ZNF469: variants seen among roughly 807,000 people sequenced by gnomAD.
The protein encoded by ZNF469 is zinc finger protein 469.
A neutral mutation model predicts 1.0 loss-of-function variants in ZNF469; 1 was observed. The ratio of observed to expected loss-of-function variants is 1.00; its 90% CI spans 0.35 to 4.73. ZNF469 has a LOEUF of 4.73. Among genes scored for constraint, ZNF469 ranks in the 30% most tolerant of loss-of-function variants. The pLI, the probability that ZNF469 is intolerant of heterozygous loss-of-function variation, is 0.16. For synonymous variants in ZNF469, 2,703 were observed against 2,363.4 expected, an observed-to-expected ratio of 1.14 and a Z score of -4.17; for missense variants, 6,100 against 5,356.3, an observed-to-expected ratio of 1.14 and a Z score of -4.33.
chr16:88,146,693 C>T, the ZNF469 span, among the ~76,000 whole-genome samples: 2 of 152,066 alleles, frequency 1.3e-5, no homozygotes, highest in Non-Finnish European at 2.9e-5. Context: ...TACACCTCTC[C>T]CTGGCCCTCC....
chr16:88,438,381 T>C lies in ZNF469; in HGVS notation c.10911T>C (p.His3637=). The change falls in exon 3 of 3, where the codon CAT becomes CAC. Residue 3637 remains histidine (H), a synonymous_variant. Transcript: ENST00000565624. ...CCCGTGGCAGGTGTGCCCCTGACCA[T>C]TTCCAGGAAGACCACCTACTTCAGA... The part of the protein sequence containing the change: ...PGARGRCAPD[H]FQEDHLLQKE... The C allele has an allele frequency of 6.5e-7, 1 of 1,550,088 alleles. No individual in the cohort carries two copies. Among genetic ancestry groups the C allele is most frequent in the East Asian group, 2.4e-5 (1 of 40,884 alleles).
chr16:88,283,054 G>C, the ZNF469 span, among the ~76,000 whole-genome samples: 48 of 152,318 alleles, frequency 3.2e-4, no homozygotes, highest in African/African-American at 1.0e-3. Flanking sequence ...CCAGGAGAAA[G>C]TCACTTTCCC....
chr16:88,413,607 G>A (rs1905232421), intron 1 of ZNF469, among the ~76,000 whole-genome samples: 1 of 152,260 alleles, frequency 6.6e-6, no homozygotes, highest in African/African-American at 2.4e-5. Flanking sequence ...AGGGTGTCCT[G>A]CAGAGCTGGG....
At chr16:88,354,937 AG>A in the ZNF469 span, among the ~76,000 whole-genome samples, 1 of 152,190 alleles carries the variant, frequency 6.6e-6, no homozygotes, top group Non-Finnish European at 1.5e-5. Context: ...CAGTGGGGGC[AG>A]GGGGCTGAGA....
the ZNF469 span, among the ~76,000 whole-genome samples, chr16:88,140,622 A>G: frequency 6.6e-6 from 1 of 152,220 alleles, no homozygotes; most frequent in African/African-American, 2.4e-5. Flanking sequence ...ATTTCAGTAT[A>G]GAAACAGGTA....
the ZNF469 span, among the ~76,000 whole-genome samples, chr16:88,283,586 T>C: frequency 2.8e-4 from 43 of 152,174 alleles, no homozygotes; most frequent in African/African-American, 9.4e-4. Context: ...TGGGAAAAAA[T>C]TCTAGGTGGT....
At chr16:88,140,471 G>GGAGCCATGTA in the ZNF469 span, among the ~76,000 whole-genome samples, 2 of 151,976 alleles carry the variant, frequency 1.3e-5, no homozygotes, top group African/African-American at 4.8e-5. Context: ...GGGGTAGCAC[G>GGAGCCATGTA]GAAAGTCAGT....
At chr16:88,121,549 G>T in the ZNF469 span, among the ~76,000 whole-genome samples, 1 of 152,212 alleles carries the variant, frequency 6.6e-6, no homozygotes, top group Non-Finnish European at 1.5e-5. Context: ...TGGCTGTCAC[G>T]TCACAACCCC....
Position 88,436,069 on chromosome 16 carries a change from G to C in ZNF469, c.8599G>C (p.Gly2867Arg). ...VSFSQLFPPG[G>R]RLTRKRNPHV... is the part of the protein sequence containing the mutation. ...TTTCTCCCAGCTCTTCCCTCCAGGC[G>C]GTCGCTTGACTAGAAAGAGGAACCC... Residue 2867 changes from glycine (G) to arginine (R), a missense_variant, in exon 3 of 3, where the codon GGT becomes CGT. By Grantham distance (125) the Gly-to-Arg change is moderately radical. Transcript: ENST00000565624. 1.3e-6 allele frequency: 2 copies of C among 1,550,110 alleles called. No individual in the cohort carries two copies. The highest frequency in any genetic ancestry group is 1.7e-6 in the Non-Finnish European group (2 of 1,146,986).
At chr16:88,245,339 G>A in the ZNF469 span, among the ~76,000 whole-genome samples, 3 of 152,244 alleles carry the variant, frequency 2.0e-5, no homozygotes, top group African/African-American at 7.2e-5. Context: ...GAGCAGAGCT[G>A]TTTCTCATGG....
chr16:88,169,016 GGGA>G, the ZNF469 span, among the ~76,000 whole-genome samples: 246 of 152,272 alleles, frequency 1.6e-3, 2 homozygotes, highest in African/African-American at 5.8e-3. This position sits in a 1 kb window ranked among gnomAD's most constrained non-coding sequence, Gnocchi z 6.1. Flanking sequence ...GAAGGATGTG[GGGA>G]GGAGGACAGG....
chr16:88,439,503 G>T lies in ZNF469; in HGVS notation c.*171G>T, dbSNP rs1286100776. 8 of 746,278 alleles carry T rather than the reference G, an allele frequency of 1.1e-5. No individual in the cohort carries two copies. In the East Asian group the frequency reaches 1.9e-4, roughly 18 times the overall value. 46.2% of individuals were successfully genotyped at this position (746,278 alleles called of 1,614,324 possible). A position where few individuals can be genotyped will look rare whatever the true frequency, so the allele number is the denominator to read the frequency against. On this transcript the variant is annotated 3_prime_UTR_variant, in exon 3 of 3. Coordinates refer to ENST00000565624, the MANE Select transcript of ZNF469 (RefSeq NM_001367624.2). ...TGGTGATGCTTTGAACAGGGCCCAG[G>T]TGGGCAGCATTCCCTTTCTTGCTGG...
At chr16:88,273,635 G>T in the ZNF469 span, among the ~76,000 whole-genome samples, 784 of 152,290 alleles carry the variant, frequency 5.1e-3, 6 homozygotes, top group African/African-American at 0.018. Context: ...TTATGATTCA[G>T]CCACTTTTGT....
At chr16:88,385,502 G>C (rs2092534928) in intron 1 of ZNF469, among the ~76,000 whole-genome samples, 1 of 152,058 alleles carries the variant, frequency 6.6e-6, no homozygotes, top group African/African-American at 2.4e-5. Flanking sequence ...AGTTAGCCAG[G>C]CATGGTAGTG....
the ZNF469 span, among the ~76,000 whole-genome samples, chr16:88,140,777 A>G: frequency 6.4e-4 from 97 of 152,280 alleles, no homozygotes; most frequent in African/African-American, 2.0e-3. Context: ...ACTAAAAAAT[A>G]CAAAAGTTAG....
At chr16:88,107,802 C>T in the ZNF469 span, among the ~76,000 whole-genome samples, 1 of 152,250 alleles carries the variant, frequency 6.6e-6, no homozygotes, top group Non-Finnish European at 1.5e-5. Flanking sequence ...GCAGGAAGGA[C>T]CCTCAGGAGA....
intron 1 of ZNF469, among the ~76,000 whole-genome samples, chr16:88,409,842 G>A (rs111473391): frequency 1.3e-4 from 18 of 140,424 alleles, no homozygotes; most frequent in Middle Eastern, 3.5e-3. Context: ...GCCTGAGTGC[G>A]ACAGGTGTGG....
the ZNF469 span, among the ~76,000 whole-genome samples, chr16:88,135,765 T>G: frequency 1.7e-4 from 24 of 139,898 alleles, no homozygotes; most frequent in African/African-American, 5.9e-4. Flanking sequence ...TTTTTTTTTT[T>G]TTTTTTTTTT....
intron 1 of ZNF469, among the ~76,000 whole-genome samples, chr16:88,397,764 T>G (rs903309852): frequency 1.1e-4 from 16 of 152,118 alleles, no homozygotes; most frequent in African/African-American, 3.6e-4. Flanking sequence ...TTATGGTCAT[T>G]CGAACGAAGG....
Sources: gnomAD v4.1 joint callset for allele counts (sites outside exome capture counted in the v4.1 genomes callset) on GRCh38, gnomAD v4.1.1 for gene constraint, Gnocchi (gnomAD v3.1) non-coding constraint, MANE v1.5 for transcripts, NCBI Gene and HGNC (gene_info 2026-07-23, HGNC 2026-07-21) for gene names.